CDH12: variants seen among roughly 807,000 people sequenced by gnomAD.
The protein encoded by CDH12 is cadherin-12.
CDH12 carries 41 observed loss-of-function variants against 74.1 expected under a neutral mutation model. That is an observed-to-expected ratio of 0.55 (90% confidence interval 0.43 to 0.72). The LOEUF is 0.72. CDH12 is among the 30% of genes least tolerant of loss of function. The pLI is 0.00. For synonymous variants in CDH12, 399 were observed against 355.0 expected (o/e 1.12, Z -1.39); for missense variants, 945 against 977.2 (o/e 0.97, Z 0.44).
intron 5 of CDH12, among the ~76,000 whole-genome samples, chr5:21,987,315 G>A (rs1169513784): frequency 6.6e-6 from 1 of 152,072 alleles, no homozygotes; most frequent in South Asian, 2.1e-4. Context: ...TTAGTAAAAT[G>A]TAATACATTG....
Position 21,752,214 on chromosome 5 carries a change from T to G in CDH12, c.1908A>C (p.Ala636=), listed in dbSNP as rs1474816903. The part of the protein sequence containing the change: ...ILLAIVVLYV[A]LRRQKKKDTL... ...TGTCTTTTTTCTTCTGCCTTCGCAG[T>G]GCTACATACAGTACAACTATGGCTG... Residue 636 remains alanine, a synonymous_variant, in exon 15 of 15, where the codon GCA becomes GCC. Coordinates refer to ENST00000382254, the MANE Select transcript of CDH12 (RefSeq NM_004061.5). The G allele has an allele frequency of 6.2e-7, 1 of 1,612,182 alleles. No individual in the cohort carries two copies. Among genetic ancestry groups the G allele is most frequent in the South Asian group, 1.1e-5 (1 of 90,830 alleles).
At chr5:22,454,482 CT>C (rs536356847) in intron 2 of CDH12, among the ~76,000 whole-genome samples, 3 of 150,944 alleles carry the variant, frequency 2.0e-5, no homozygotes, top group Non-Finnish European at 1.5e-5. Flanking sequence ...ACAGATTTTT[CT>C]TTTTTTTTGA....
chr5:22,213,062 G>C (rs1751632981), intron 3 of CDH12, among the ~76,000 whole-genome samples: 1 of 152,184 alleles, frequency 6.6e-6, no homozygotes, highest in Admixed American at 6.5e-5. Context: ...GCAATTAATA[G>C]ACTGATAGAG....
intron 1 of CDH12, among the ~76,000 whole-genome samples, chr5:22,514,617 G>T (rs1410684784): frequency 6.6e-6 from 1 of 152,166 alleles, no homozygotes; most frequent in Non-Finnish European, 1.5e-5. Context: ...GTATGGCCTG[G>T]CAGGCTCTTA....
chr5:21,818,244 T>A (rs959385854), intron 8 of CDH12, among the ~76,000 whole-genome samples: 4 of 133,604 alleles, frequency 3.0e-5, no homozygotes, highest in African/African-American at 1.1e-4. Flanking sequence ...CCATGGTGAT[T>A]CATTCGTTTT....
At position 21,883,743 on chromosome 5, in the gene CDH12, T is replaced by C. The variant is rs1438205551; in HGVS notation, c.527-28953A>G. Reference sequence around the variant, plus strand: ...GCAGTTAGATGTCACAACTAGTGAATATGAAAAGGAAAAACTGAATGAATG... The same window carrying C: ...GCAGTTAGATGTCACAACTAGTGAACATGAAAAGGAAAAACTGAATGAATG... On this transcript the variant is annotated intron_variant, in intron 6 of 14. Coordinates refer to ENST00000382254, the MANE Select transcript of CDH12 (RefSeq NM_004061.5). 6 of 1,586,848 alleles carry C rather than the reference T, an allele frequency of 3.8e-6. No individual in the cohort carries two copies. In the African/African-American group the frequency reaches 4.0e-5, roughly 11 times the overall value.
intron 5 of CDH12, among the ~76,000 whole-genome samples, chr5:22,017,181 G>A (rs1473332764): frequency 2.6e-5 from 4 of 151,616 alleles, no homozygotes; most frequent in Non-Finnish European, 5.9e-5. Context: ...TTCCCCTTTT[G>A]TTCCTACTCC....
intron 3 of CDH12, among the ~76,000 whole-genome samples, chr5:22,273,083 G>T (rs1454250956): frequency 6.6e-6 from 1 of 152,052 alleles, no homozygotes; most frequent in Non-Finnish European, 1.5e-5. Flanking sequence ...CTCCCACGAG[G>T]TCCCTCCCCC....
chr5:22,340,233 C>G (rs1012021941), intron 3 of CDH12, among the ~76,000 whole-genome samples: 1 of 152,066 alleles, frequency 6.6e-6, no homozygotes, highest in African/African-American at 2.4e-5. Flanking sequence ...TAGCTATTTT[C>G]AAAAAATTCT....
intron 1 of CDH12, among the ~76,000 whole-genome samples, chr5:22,720,803 C>G (rs905102616): frequency 6.6e-6 from 1 of 152,072 alleles, no homozygotes; most frequent in Non-Finnish European, 1.5e-5. Flanking sequence ...CAAAGGTCAC[C>G]CTTGCTATGG....
chr5:21,996,201 C>A (rs1424175495), intron 5 of CDH12, among the ~76,000 whole-genome samples: 2 of 146,912 alleles, frequency 1.4e-5, no homozygotes, highest in Non-Finnish European at 3.0e-5. Flanking sequence ...GATTCTTGAG[C>A]TGGCCATTCT....
At chr5:21,854,598 C>A in intron 7 of CDH12, 73 bp downstream of exon 7, 1 of 1,279,096 alleles carries the variant, frequency 7.8e-7, no homozygotes, top group South Asian at 1.4e-5. Flanking sequence ...ATGCAACTCC[C>A]CATGCCAAGA....
intron 6 of CDH12, among the ~76,000 whole-genome samples, chr5:21,945,182 T>C (rs1755514864): frequency 6.6e-6 from 1 of 151,992 alleles, no homozygotes; most frequent in African/African-American, 2.4e-5. Context: ...CCCAGCACTG[T>C]GGGAGGCCAA....
intron 1 of CDH12, among the ~76,000 whole-genome samples, chr5:22,513,796 A>C (rs1580722793): frequency 6.6e-6 from 1 of 151,814 alleles, no homozygotes; most frequent in East Asian, 1.9e-4. Flanking sequence ...AAATACAAAA[A>C]AATTAGCTGG....
chr5:22,439,591 C>G (rs1348227756), intron 2 of CDH12, among the ~76,000 whole-genome samples: 1 of 152,010 alleles, frequency 6.6e-6, no homozygotes, highest in Non-Finnish European at 1.5e-5. Context: ...AAGTCCTGAT[C>G]CTGCTGAAGG....
chr5:22,705,421 C>A (rs1332630608), intron 1 of CDH12, among the ~76,000 whole-genome samples: 1 of 150,814 alleles, frequency 6.6e-6, no homozygotes, highest in African/African-American at 2.4e-5. Flanking sequence ...TGCAAACTGT[C>A]TAGTTTCCAT....
At chr5:21,772,875 AGAAAAATATAAGCCTGGCATTATAGTT>A (rs1177179809) in intron 11 of CDH12, among the ~76,000 whole-genome samples, 1 of 152,196 alleles carries the variant, frequency 6.6e-6, no homozygotes, top group Non-Finnish European at 1.5e-5. Flanking sequence ...ATACTAATTA[AGAAAAATATAAGCCTGGCATTATAGTT>A]GTACATGTGA....
Position 22,492,562 on chromosome 5 carries a change from G to T in CDH12, c.-428+12708C>A, listed in dbSNP as rs186947894. On this transcript the variant is annotated intron_variant, in intron 2 of 14. Transcript: ENST00000382254. ...GGGTTTCATCATGTTGGTCAGGCTGGTCGCAAACTCCTGACCTCTGGTGAT... is the reference window on the plus strand; with the variant it reads ...GGGTTTCATCATGTTGGTCAGGCTGTTCGCAAACTCCTGACCTCTGGTGAT... Among the ~76,000 whole-genome samples the T allele has an allele frequency of 2.0e-5, 3 of 152,104 alleles. No individual in the cohort carries two copies. In the East Asian group the frequency reaches 5.8e-4, roughly 30 times the overall value.
chr5:22,510,619 T>C (rs1264327683), intron 1 of CDH12, among the ~76,000 whole-genome samples: 1 of 152,140 alleles, frequency 6.6e-6, no homozygotes, highest in African/African-American at 2.4e-5. Context: ...AAAAGGAATA[T>C]TATTTGCATA....
Sources: gnomAD v4.1 joint callset for allele counts (sites outside exome capture counted in the v4.1 genomes callset) on GRCh38, gnomAD v4.1.1 for gene constraint, MANE v1.5 for transcripts, NCBI Gene and HGNC (gene_info 2026-07-23, HGNC 2026-07-21) for gene names.